TYR: variants seen among roughly 807,000 people sequenced by gnomAD.
The protein encoded by TYR is tyrosinase.
In TYR, 58 loss-of-function variants were observed where a neutral mutation model predicts 51.5. The observed-to-expected ratio is 1.13, with a 90% CI of 0.91 to 1.40. TYR has a LOEUF of 1.40. TYR is among the 40% of genes most tolerant of loss of function. TYR has a pLI of 0.00. For synonymous variants in TYR, 263 were observed against 235.2 expected, an observed-to-expected ratio of 1.12 and a Z score of -1.08; for missense variants, 732 against 647.4, an observed-to-expected ratio of 1.13 and a Z score of -1.42.
chr11:89,280,611 C>A (rs1257333288), intron 3 of TYR, among the ~76,000 whole-genome samples: 9 of 150,946 alleles, frequency 6.0e-5, no homozygotes, highest in Non-Finnish European at 1.2e-4. Flanking sequence ...TGATATTATT[C>A]ACAATTATTT....
At chr11:89,191,019 G>T (rs897005708) in intron 1 of TYR, among the ~76,000 whole-genome samples, 183 bp from the exon 2 acceptor site, 2 of 152,048 alleles carry the variant, frequency 1.3e-5, no homozygotes, top group Admixed American at 1.3e-4. Context: ...TGATGTTCAC[G>T]CAATGACAAA....
chr11:89,248,342 T>C (rs1944291554), intron 3 of TYR, among the ~76,000 whole-genome samples: 1 of 152,152 alleles, frequency 6.6e-6, no homozygotes, highest in South Asian at 2.1e-4. Context: ...CTATATATTT[T>C]ATAAAGAATT....
chr11:89,259,298 A>G (rs944249012), intron 3 of TYR, among the ~76,000 whole-genome samples: 1 of 152,090 alleles, frequency 6.6e-6, no homozygotes, highest in Non-Finnish European at 1.5e-5. Context: ...CTGAGAATCA[A>G]ATTCTACCCT....
intron 3 of TYR, among the ~76,000 whole-genome samples, chr11:89,235,121 C>T (rs957633510): frequency 3.3e-5 from 5 of 152,130 alleles, no homozygotes; most frequent in African/African-American, 9.6e-5. Context: ...TTAACTGAAA[C>T]CACAATGGGA....
chr11:89,182,551 A>C (rs2135245670), intron 1 of TYR, among the ~76,000 whole-genome samples: 1 of 152,336 alleles, frequency 6.6e-6, no homozygotes, highest in Non-Finnish European at 1.5e-5. Context: ...GATTTAAATG[A>C]AGTTAATATT....
intron 3 of TYR, among the ~76,000 whole-genome samples, chr11:89,272,933 G>T (rs1015357613): frequency 2.6e-5 from 4 of 151,908 alleles, no homozygotes; most frequent in African/African-American, 4.8e-5. Context: ...ATTGAAGAGA[G>T]CTGGGGCCTT....
chr11:89,202,417 G>GT (rs149476385), intron 2 of TYR, among the ~76,000 whole-genome samples: 5,397 of 147,706 alleles, frequency 0.037, 314 homozygotes, highest in African/African-American at 0.12. Flanking sequence ...AAATGAAGCA[G>GT]TTTTTTTTTT....
At position 89,178,087 on chromosome 11, in the gene TYR, C is replaced by A; in HGVS notation, c.134C>A (p.Pro45His). The part of the protein sequence containing the change: ...CCPPWSGDRS[P>H]CGQLSGRGSC... ...CCACCGTGGAGCGGGGACAGGAGTC[C>A]CTGTGGCCAGCTTTCAGGCAGAGGT... The change falls in exon 1 of 5, where the codon CCC (proline) becomes CAC (histidine). Residue 45 changes from proline (P) to histidine (H), a missense_variant. Coordinates refer to ENST00000263321, the MANE Select transcript of TYR (RefSeq NM_000372.5). 1 of 1,614,150 alleles carries A rather than the reference C, an allele frequency of 6.2e-7. No individual in the cohort carries two copies. The highest frequency in any genetic ancestry group is 1.3e-5 in the African/African-American group (1 of 75,048).
At chr11:89,232,283 G>T (rs917797095) in intron 3 of TYR, among the ~76,000 whole-genome samples, 8 of 143,076 alleles carry the variant, frequency 5.6e-5, no homozygotes, top group Admixed American at 5.5e-4. Flanking sequence ...GCATCTAAAA[G>T]TTACGTTTAT....
chr11:89,295,588 T>A lies in TYR; in HGVS notation c.*222T>A, dbSNP rs1944899426. The A allele has an allele frequency of 1.8e-6, 1 of 558,750 alleles. No homozygotes were observed. The highest frequency in any genetic ancestry group is 3.2e-6 in the Non-Finnish European group (1 of 314,902). The allele number at this position is 558,750 out of a possible 1,614,324, so 34.6% of individuals were successfully genotyped here. A position where few individuals can be genotyped will look rare whatever the true frequency, so the allele number is the denominator to read the frequency against. ...TTTAACATTTTCCCCTAAGCCCATA[T>A]GTCTAAGGAAAGGATGCTATTTGGT... is the stretch of plus-strand genomic sequence containing the variant. On this transcript the variant is annotated 3_prime_UTR_variant, in exon 5 of 5. Coordinates refer to ENST00000263321, the MANE Select transcript of TYR (RefSeq NM_000372.5).
intron 3 of TYR, among the ~76,000 whole-genome samples, chr11:89,243,159 G>A (rs1944221956): frequency 6.6e-6 from 1 of 152,208 alleles, no homozygotes; most frequent in East Asian, 1.9e-4. Flanking sequence ...AAGGAATACA[G>A]TGCTTTATTG....
chr11:89,244,684 A>G (rs1441195128), intron 3 of TYR, among the ~76,000 whole-genome samples: 2 of 152,194 alleles, frequency 1.3e-5, no homozygotes, highest in Non-Finnish European at 2.9e-5. Context: ...CTTTAGAAAT[A>G]TTTCCTTCTT....
At chr11:89,267,455 C>G (rs1944539099) in intron 3 of TYR, among the ~76,000 whole-genome samples, 1 of 151,910 alleles carries the variant, frequency 6.6e-6, no homozygotes, top group Non-Finnish European at 1.5e-5. Flanking sequence ...AAGGGAAGGA[C>G]TCTGCTTTCT....
At chr11:89,192,515 TG>T (rs1056825739) in intron 2 of TYR, among the ~76,000 whole-genome samples, 3 of 152,114 alleles carry the variant, frequency 2.0e-5, no homozygotes, top group African/African-American at 7.2e-5. Context: ...TTTTCCTTTT[TG>T]TCATTGTTTT....
In TYR at chr11:89,295,316, C is replaced by T; in HGVS notation, c.1540C>T (p.Leu514Phe). 6.2e-7 allele frequency: 1 copy of T among 1,613,656 alleles called. No homozygotes were observed. Residue 514 changes from leucine to phenylalanine, a missense_variant, in exon 5 of 5, where the codon CTC (leucine) becomes TTC (phenylalanine). By Grantham distance (22) the Leu-to-Phe change is conservative. Coordinates refer to ENST00000263321, the MANE Select transcript of TYR (RefSeq NM_000372.5). ...RKQLPEEKQP[L>F]LMEKEDYHSL... Reference sequence around the variant, plus strand: ...GCAGCTTCCTGAAGAAAAGCAGCCACTCCTCATGGAGAAAGAGGATTACCA... The same window carrying T: ...GCAGCTTCCTGAAGAAAAGCAGCCATTCCTCATGGAGAAAGAGGATTACCA...
At chr11:89,207,921 T>C (rs1331126019) in intron 2 of TYR, among the ~76,000 whole-genome samples, 2 of 152,182 alleles carry the variant, frequency 1.3e-5, no homozygotes, top group Non-Finnish European at 2.9e-5. Flanking sequence ...GCACATCAGA[T>C]TTCTCTCTAT....
chr11:89,181,971 G>A (rs1024311745), intron 1 of TYR, among the ~76,000 whole-genome samples: 4 of 152,196 alleles, frequency 2.6e-5, no homozygotes, highest in African/African-American at 4.8e-5. Context: ...ACACAGTGAT[G>A]TAGTCCTTTT....
intron 3 of TYR, among the ~76,000 whole-genome samples, chr11:89,241,236 C>A (rs1280990609): frequency 6.6e-6 from 1 of 152,134 alleles, no homozygotes; most frequent in Non-Finnish European, 1.5e-5. Flanking sequence ...AGAAATTTTT[C>A]ATATGTTACT....
chr11:89,243,235 C>T (rs750583690), intron 3 of TYR, among the ~76,000 whole-genome samples: 10 of 152,214 alleles, frequency 6.6e-5, no homozygotes, highest in South Asian at 2.1e-4. Flanking sequence ...TAGAAGATTC[C>T]GTTTTATTGT....
Sources: gnomAD v4.1 joint callset for allele counts (sites outside exome capture counted in the v4.1 genomes callset) on GRCh38, gnomAD v4.1.1 for gene constraint, MANE v1.5 for transcripts, NCBI Gene and HGNC (gene_info 2026-07-23, HGNC 2026-07-21) for gene names.